The following SLC25A51 variants were observed in gnomAD, a reference collection of about 807,000 sequenced individuals.
The protein encoded by SLC25A51 is mitochondrial nicotinamide adenine dinucleotide transporter SLC25A51.
A neutral mutation model predicts 19.1 loss-of-function variants in SLC25A51; 11 were observed. The ratio of observed to expected loss-of-function variants is 0.58; its 90% confidence interval spans 0.36 to 0.96. The LOEUF (loss-of-function observed/expected upper bound fraction) is 0.96. Ranked by LOEUF, SLC25A51 falls within the 40% of genes least tolerant of loss-of-function variation. SLC25A51 has a pLI of 0.01. For missense variants in SLC25A51, 201 were observed against 365.4 expected (o/e 0.55, Z 3.67); for synonymous variants, 105 against 133.6 (o/e 0.79, Z 1.47).
Position 37,899,513 on chromosome 9 carries a change from C to T in SLC25A51, c.-43+316G>A, listed in dbSNP as rs532653414. ...TCTCCCAGCTGGGACCACACACGTGCGCCACCATGCCTGGCTAATTTTTCA... is the reference window on the plus strand; with the variant it reads ...TCTCCCAGCTGGGACCACACACGTGTGCCACCATGCCTGGCTAATTTTTCA... On this transcript the variant is annotated intron_variant, in intron 2 of 2. Coordinates refer to ENST00000242275, the MANE Select transcript of SLC25A51 (RefSeq NM_033412.4). 1.5e-4 allele frequency among the ~76,000 whole-genome samples: 23 copies of T among 152,150 alleles called. No individual in the cohort carries two copies. In the South Asian group the frequency reaches 4.2e-3, roughly 27 times the overall value.
chr9:37,889,083 G>T (rs1831524359), intron 2 of SLC25A51, among the ~76,000 whole-genome samples: 1 of 151,924 alleles, frequency 6.6e-6, no homozygotes, highest in South Asian at 2.1e-4. Flanking sequence ...ATAAACAAAG[G>T]GTGTTTGGGG....
intron 1 of SLC25A51, among the ~76,000 whole-genome samples, chr9:37,901,262 T>C (rs974146508): frequency 1.3e-5 from 2 of 152,120 alleles, no homozygotes; most frequent in African/African-American, 2.4e-5. Context: ...CTCCACCTCC[T>C]GGGTTCAAGC....
intron 2 of SLC25A51, 126 bp from the exon 3 acceptor site, chr9:37,888,718 T>C (rs1160338045): frequency 5.2e-6 from 4 of 774,788 alleles, no homozygotes; most frequent in African/African-American, 3.5e-5. Flanking sequence ...TCAGTGATTC[T>C]TAAAGCATTT....
rs5897703 is a variant in SLC25A51 at position 37,891,848 on chromosome 9, TA to T, written c.-42-3257del. 1.7e-3 allele frequency among the ~76,000 whole-genome samples: 147 copies of T among 87,714 alleles called. 1 individual carries two copies. In the East Asian group the frequency reaches 0.021, roughly 12 times the overall value. The allele number at this position is 87,714 out of a possible 152,430, so 57.5% of individuals were successfully genotyped here. A position where few individuals can be genotyped will look rare whatever the true frequency, so the allele number is the denominator to read the frequency against. On this transcript the variant is annotated intron_variant, in intron 2 of 2. Transcript: ENST00000242275. ...CTCTGCGAGAAACACCCAAGAATGA[TA>T]AAAAAAAAAAAAAAAATTTTATATA...
chr9:37,900,246 C>T (rs548799148), intron 1 of SLC25A51, among the ~76,000 whole-genome samples: 15 of 151,802 alleles, frequency 9.9e-5, no homozygotes, highest in African/African-American at 3.4e-4. Flanking sequence ...GTCAGGAAAT[C>T]GAGACCATCC....
chr9:37,886,340 G>T (rs955886400), downstream of SLC25A51: 530 of 1,613,458 alleles, frequency 3.3e-4, 1 homozygote, highest in Non-Finnish European at 4.4e-4. Context: ...GCAGCCTGTG[G>T]CTTCAACCCC....
Position 37,887,662 on chromosome 9 carries a change from T to C in SLC25A51, c.889A>G (p.Ile297Val). 1 of 1,607,680 alleles carries C rather than the reference T, an allele frequency of 6.2e-7. No homozygotes were observed. The highest frequency in any genetic ancestry group is 8.5e-7 in the Non-Finnish European group (1 of 1,177,298). ...NATYEFLLKV[I>V] ...GCACTTAACTGATGGTTTTTTCATA[T>C]AACCTTTAACAAGAACTCATAAGTT... is the stretch of plus-strand genomic sequence containing the variant. Residue 297 changes from isoleucine to valine, a missense_variant, in exon 3 of 3, where the codon ATA becomes GTA. Ile to Val is a conservative substitution (Grantham distance 29). Transcript: ENST00000242275.
intron 2 of SLC25A51, among the ~76,000 whole-genome samples, chr9:37,896,468 A>C (rs938131275): frequency 3.3e-5 from 5 of 152,148 alleles, no homozygotes; most frequent in African/African-American, 1.2e-4. Context: ...TTATGGTGGA[A>C]GATGTATCCA....
intron 1 of SLC25A51, 36 bp from the exon 2 acceptor site, chr9:37,899,986 G>T (rs1587172408): frequency 3.3e-5 from 3 of 91,822 alleles, no homozygotes; most frequent in East Asian, 4.1e-4. Context: ...AATTTATATA[G>T]CCTTTTTTTT....
intron 3 of SLC25A51, among the ~76,000 whole-genome samples, chr9:37,880,901 C>G (rs1424551709): frequency 6.6e-6 from 1 of 152,168 alleles, no homozygotes; most frequent in Non-Finnish European, 1.5e-5. Context: ...TCTACAGTGG[C>G]TGCTATGGGT....
downstream of SLC25A51, among the ~76,000 whole-genome samples, chr9:37,885,342 TAAAAAAAAAAAAAAA>T (rs60095173): frequency 3.0e-5 from 3 of 99,244 alleles, no homozygotes; most frequent in Non-Finnish European, 6.0e-5. Flanking sequence ...TAGGTAATGA[TAAAAAAAAAAAAAAA>T]AAAAAAAAAA....
chr9:37,886,024 T>G, downstream of SLC25A51: 2 of 1,613,676 alleles, frequency 1.2e-6, no homozygotes, highest in Non-Finnish European at 1.7e-6. Flanking sequence ...CATTTGCCCC[T>G]ATCTATGCTG....
In SLC25A51 at chr9:37,887,937, G is replaced by A. The variant is rs780199922; in HGVS notation, c.614C>T (p.Thr205Met). 9.5e-5 allele frequency: 153 copies of A among 1,611,882 alleles called. 1 individual carries two copies. The highest frequency in any genetic ancestry group is 4.5e-4 in the Middle Eastern group (2 of 4,454). The part of the protein sequence containing the change: ...GPIKEHLPTA[T>M]THSAHLVNDF... ...ATTGACCAGATGAGCACTGTGAGTCGTTGCGGTAGGCAGATGCTCCTTAAT... is the reference window on the plus strand; with the variant it reads ...ATTGACCAGATGAGCACTGTGAGTCATTGCGGTAGGCAGATGCTCCTTAAT... The change falls in exon 3 of 3, where the codon ACG (threonine) becomes ATG (methionine). Residue 205 changes from threonine to methionine, a missense_variant. Transcript: ENST00000242275.
chr9:37,900,121 A>G (rs926986049), intron 1 of SLC25A51, among the ~76,000 whole-genome samples, 171 bp from the exon 2 acceptor site: 5 of 144,256 alleles, frequency 3.5e-5, no homozygotes, highest in Admixed American at 7.2e-5. Flanking sequence ...GACAGGCATG[A>G]GCCACTGCTC....
rs905457429 is a variant in SLC25A51, at chr9:37,888,614, G to A, written c.-42-22C>T. ...TAACCTACAAATAATAAATGACAAC[G>A]GGTAAACCCGTTTTATAGAGAGCTA... On this transcript the variant is annotated intron_variant, in intron 2 of 2. Coordinates refer to ENST00000242275, the MANE Select transcript of SLC25A51 (RefSeq NM_033412.4). 25 of 1,526,082 alleles carry A rather than the reference G, an allele frequency of 1.6e-5. No individual in the cohort carries two copies. In the East Asian group the frequency reaches 2.3e-4, roughly 14 times the overall value. The allele number at this position is 1,526,082 out of a possible 1,614,324, so 94.5% of individuals were successfully genotyped here. A position where few individuals can be genotyped will look rare whatever the true frequency, so the allele number is the denominator to read the frequency against.
At chr9:37,884,106 C>A (rs1831400041), downstream of SLC25A51, among the ~76,000 whole-genome samples, 9 of 152,166 alleles carry the variant, frequency 5.9e-5, 1 homozygote, top group Admixed American at 3.3e-4. Flanking sequence ...AACTGGTTAA[C>A]AAGAAACCTA....
At position 37,888,143 on chromosome 9, in the gene SLC25A51, A is replaced by C; in HGVS notation, c.408T>G (p.Thr136=). ...GCAATGTCTGAACTCTTTCCAGTGGAGTGAAAATTGCTTCTGTTGTCCCTG... is the reference window on the plus strand; with the variant it reads ...GCAATGTCTGAACTCTTTCCAGTGGCGTGAAAATTGCTTCTGTTGTCCCTG... The part of the protein sequence containing the change: ...VLAGTTEAIF[T]PLERVQTLLQ... Residue 136 remains threonine (T), a synonymous_variant, in exon 3 of 3, where the codon ACT becomes ACG. Transcript: ENST00000242275. 6.2e-7 allele frequency: 1 copy of C among 1,613,940 alleles called. No homozygotes were observed. The highest frequency in any genetic ancestry group is 8.5e-7 in the Non-Finnish European group (1 of 1,179,872).
downstream of SLC25A51, chr9:37,886,171 A>C: frequency 6.8e-7 from 1 of 1,471,200 alleles, no homozygotes; most frequent in Non-Finnish European, 9.5e-7. Flanking sequence ...TCCTGTTCCA[A>C]GGTGGCAAGA....
At chr9:37,898,833 T>C (rs1374903503) in intron 2 of SLC25A51, among the ~76,000 whole-genome samples, 1 of 152,224 alleles carries the variant, frequency 6.6e-6, no homozygotes, top group Non-Finnish European at 1.5e-5. Flanking sequence ...ATTGTTGTAC[T>C]GAAGTTCAAT....
Sources: gnomAD v4.1 joint callset for allele counts (sites outside exome capture counted in the v4.1 genomes callset) on GRCh38, gnomAD v4.1.1 for gene constraint, MANE v1.5 for transcripts, NCBI Gene and HGNC (gene_info 2026-07-23, HGNC 2026-07-21) for gene names.